The following C21orf58 variants were observed in gnomAD, a reference collection of about 807,000 sequenced individuals.
The protein encoded by C21orf58 is uncharacterized protein C21orf58.
Under a neutral mutation model 35.8 loss-of-function variants are expected in C21orf58, and 34 were observed. That is an observed-to-expected ratio of 0.95 (90% CI 0.72 to 1.26). The LOEUF is 1.26. Ranked by LOEUF, C21orf58 falls within the 50% of genes most tolerant of loss-of-function variation. The pLI is 0.00. For missense variants in C21orf58, 440 were observed against 414.3 expected, an observed-to-expected ratio of 1.06 and a Z score of -0.54; for synonymous variants, 191 against 175.8, an observed-to-expected ratio of 1.09 and a Z score of -0.68.
In C21orf58 at chr21:46,310,507, A is replaced by T. The variant is rs1028249305; in HGVS notation, c.721+949T>A. ...CAAAAAAAATAAAAATAAAAAAAAA[A>T]AACAAAACTTGTCAAATTGGGCCGG... On this transcript the variant is annotated intron_variant, in intron 6 of 7. Coordinates refer to ENST00000291691, the MANE Select transcript of C21orf58 (RefSeq NM_058180.5). Among the ~76,000 whole-genome samples the T allele has an allele frequency of 3.3e-4, 48 of 145,644 alleles. 1 individual carries two copies. Among genetic ancestry groups the T allele is most frequent in the Non-Finnish European group, 6.2e-4 (40 of 64,410 alleles).
At position 46,301,757 on chromosome 21, in the gene C21orf58, G is replaced by A; in HGVS notation, c.*242C>T. 1 of 1,223,148 alleles carries A rather than the reference G, an allele frequency of 8.2e-7. No homozygotes were observed. Among genetic ancestry groups the A allele is most frequent in the East Asian group, 3.2e-5 (1 of 30,864 alleles). 75.8% of individuals were successfully genotyped at this position (1,223,148 alleles called of 1,614,324 possible). ...CCCTGGGAGGGGCTGTTGCCCTGGTGGGGTTCACAGGCCCCTCACTGCAGG... is the reference window on the plus strand; with the variant it reads ...CCCTGGGAGGGGCTGTTGCCCTGGTAGGGTTCACAGGCCCCTCACTGCAGG... On this transcript the variant is annotated 3_prime_UTR_variant, in exon 8 of 8. Coordinates refer to ENST00000291691, the MANE Select transcript of C21orf58 (RefSeq NM_058180.5).
chr21:46,318,223 G>A lies in C21orf58; in HGVS notation c.101-3C>T. On this transcript the variant is annotated splice_polypyrimidine_tract_variant and splice_region_variant and intron_variant, in intron 1 of 7. Transcript: ENST00000291691. Reference sequence around the variant, plus strand: ...GGCCTTACCTCCTGGAGACCAGCCTGAGGGAAGAGAAGAGCCCTGTGGGAA... The same window carrying A: ...GGCCTTACCTCCTGGAGACCAGCCTAAGGGAAGAGAAGAGCCCTGTGGGAA... The A allele has an allele frequency of 5.0e-6, 8 of 1,611,792 alleles. No individual in the cohort carries two copies. The highest frequency in any genetic ancestry group is 1.7e-6 in the Non-Finnish European group (2 of 1,179,938).
Position 46,315,364 on chromosome 21 carries a change from G to A in C21orf58, c.444+110C>T, listed in dbSNP as rs189176578. ...TGTCCTTGCTGGGGCCTGGCCCTGA[G>A]AGTCTGGAAAGGTCTTCCCTAATAC... On this transcript the variant is annotated intron_variant, in intron 4 of 7. Transcript: ENST00000291691. 1.9e-4 allele frequency: 139 copies of A among 741,026 alleles called. 1 individual carries two copies. The Admixed American group carries it at 2.7e-3, about 15-fold the overall frequency. The allele number at this position is 741,026 out of a possible 1,614,324, so 45.9% of individuals were successfully genotyped here.
At chr21:46,317,107 C>T (rs2083000411) in intron 3 of C21orf58, 101 bp downstream of exon 3, 1 of 974,050 alleles carries the variant, frequency 1.0e-6, no homozygotes, top group Non-Finnish European at 1.6e-6. Context: ...GGGGGTGATT[C>T]CCAGAGTTGC....
Position 46,302,143 on chromosome 21 carries a change from A to T in C21orf58, c.825T>A (p.His275Gln). The change falls in exon 8 of 8, where the codon CAT (histidine) becomes CAA (glutamine). Residue 275 changes from histidine to glutamine, a missense_variant. His to Gln is a conservative substitution (Grantham distance 24). Transcript: ENST00000291691. Reference sequence around the variant, plus strand: ...CAGCTCGTGGGACCCTCGGGGGCACATGTGGCGGGTCCTGCCACAGACGCA... The same window carrying T: ...CAGCTCGTGGGACCCTCGGGGGCACTTGTGGCGGGTCCTGCCACAGACGCA... Reference protein sequence around the residue: ...ALPPALQDPPHVPPRVPRAAR... With the variant: ...ALPPALQDPPQVPPRVPRAAR... 6.7e-7 allele frequency: 1 copy of T among 1,496,962 alleles called. No individual in the cohort carries two copies. The highest frequency in any genetic ancestry group is 2.2e-5 in the Admixed American group (1 of 45,938). The allele number at this position is 1,496,962 out of a possible 1,614,324, so 92.7% of individuals were successfully genotyped here.
intron 1 of C21orf58, among the ~76,000 whole-genome samples, chr21:46,320,991 A>T (rs747439): frequency 0.11 from 16,262 of 152,162 alleles, 1,012 homozygotes; most frequent in Middle Eastern, 0.18. Context: ...GATCTCTAGT[A>T]GTATACATAA....
chr21:46,316,135 C>A (rs773070528), intron 3 of C21orf58, among the ~76,000 whole-genome samples: 6 of 151,332 alleles, frequency 4.0e-5, no homozygotes, highest in Non-Finnish European at 8.8e-5. Context: ...GGCAACAGAG[C>A]GAGACCAACC....
In C21orf58 at chr21:46,312,421, C is replaced by T. The variant is rs955946288; in HGVS notation, c.610-854G>A. ...GCAACCTCCGCCTCCCAGGTTCTAG[C>T]GATTCTCATGCCTCAGCCTCCCGAG... On this transcript the variant is annotated intron_variant, in intron 5 of 7. Coordinates refer to ENST00000291691, the MANE Select transcript of C21orf58 (RefSeq NM_058180.5). Among the ~76,000 whole-genome samples the T allele has an allele frequency of 6.6e-5, 10 of 152,230 alleles. No homozygotes were observed. In the East Asian group the frequency reaches 7.7e-4, roughly 12 times the overall value.
chr21:46,300,752 G>C (rs1167181522), downstream of C21orf58: 1 of 1,289,288 alleles, frequency 7.8e-7, no homozygotes, highest in East Asian at 5.5e-5. Flanking sequence ...CACTGGGACA[G>C]GGTTCCTCCT....
At chr21:46,318,811 A>G in intron 1 of C21orf58, 1 of 987,096 alleles carries the variant, frequency 1.0e-6, no homozygotes, top group Non-Finnish European at 1.2e-6. Flanking sequence ...CTGGGCAGGG[A>G]GTCAAGTTTG....
intron 1 of C21orf58, chr21:46,318,944 A>C: frequency 1.4e-6 from 1 of 732,930 alleles, no homozygotes; most frequent in Non-Finnish European, 1.7e-6. Context: ...GGGGGATGTC[A>C]GCAGCAGGGG....
In C21orf58 at chr21:46,303,708, A is replaced by ATATAT. The variant is rs1357923290; in HGVS notation, c.722-1133_722-1132insATATA. 2.7e-3 allele frequency among the ~76,000 whole-genome samples: 99 copies of ATATAT among 37,164 alleles called. 1 individual carries two copies. Among genetic ancestry groups the ATATAT allele is most frequent in the East Asian group, 4.4e-3 (3 of 684 alleles). The allele number at this position is 37,164 out of a possible 152,430, so 24.4% of individuals were successfully genotyped here. On this transcript the variant is annotated intron_variant, in intron 6 of 7. Transcript: ENST00000291691. ...CACACACACACACACACACACACAAAATATATATATATATATATATATATA... is the reference window on the plus strand; with the variant it reads ...CACACACACACACACACACACACAAATATATATATATATATATATATATATATATA...
chr21:46,309,247 G>A (rs2082559628), intron 6 of C21orf58, among the ~76,000 whole-genome samples: 2 of 152,014 alleles, frequency 1.3e-5, no homozygotes, highest in African/African-American at 4.8e-5. Context: ...GATCATCTGA[G>A]GTCAGGAATT....
intron 5 of C21orf58, 177 bp from the exon 6 acceptor site, chr21:46,311,744 C>A (rs1045101557): frequency 4.5e-6 from 2 of 443,734 alleles, no homozygotes; most frequent in African/African-American, 4.0e-5. Flanking sequence ...ACCAACCATC[C>A]ACCCACTCAT....
chr21:46,315,600 C>G, intron 3 of C21orf58, 53 bp from the exon 4 acceptor site: 1 of 1,210,186 alleles, frequency 8.3e-7, no homozygotes, highest in South Asian at 1.2e-5. Flanking sequence ...GCTGTCGCTG[C>G]AAGCACTCGG....
downstream of C21orf58, chr21:46,300,673 G>A: frequency 7.8e-7 from 1 of 1,275,416 alleles, no homozygotes; most frequent in Non-Finnish European, 1.0e-6. Flanking sequence ...TGTCCCTGGG[G>A]AGCTCTGCAG....
intron 6 of C21orf58, among the ~76,000 whole-genome samples, chr21:46,305,327 C>CTTTT (rs35138310): frequency 8.2e-5 from 9 of 109,154 alleles, no homozygotes; most frequent in Non-Finnish European, 1.1e-4. Flanking sequence ...ACAAATTAAT[C>CTTTT]TTTTTTTTTT....
chr21:46,318,314 C>T lies in C21orf58; in HGVS notation c.101-94G>A, dbSNP rs188442269. The T allele has an allele frequency of 1.7e-4, 266 of 1,537,852 alleles. 1 individual carries two copies. The African/African-American group carries it at 3.3e-3, about 19-fold the overall frequency. On this transcript the variant is annotated intron_variant, in intron 1 of 7. Coordinates refer to ENST00000291691, the MANE Select transcript of C21orf58 (RefSeq NM_058180.5). The stretch of plus-strand genomic sequence containing the variant: ...AGCGCTGGGCGCCGCGTGACAGTTG[C>T]CAGGCTGCCAGACACAGGGAGGCCC...
intron 3 of C21orf58, 122 bp downstream of exon 3, chr21:46,317,086 G>A: frequency 1.3e-6 from 1 of 763,194 alleles, no homozygotes; most frequent in South Asian, 1.6e-5. Flanking sequence ...AATCTCGCCG[G>A]TACCAGGAGT....
Sources: allele counts gnomAD v4.1 joint callset (sites outside exome capture counted in the v4.1 genomes callset), GRCh38; gene constraint gnomAD v4.1.1; transcripts MANE v1.5; gene names NCBI Gene and HGNC (gene_info 2026-07-23, HGNC 2026-07-21).